The following TPST1 variants were observed in gnomAD, a reference collection of about 807,000 sequenced individuals.
TPST1 encodes tyrosylprotein sulfotransferase 1.
In TPST1, 20 loss-of-function variants were observed where a neutral mutation model predicts 34.8. That is an observed-to-expected ratio of 0.57 (90% confidence interval 0.40 to 0.84). TPST1 has a LOEUF of 0.84. Among genes scored for constraint, TPST1 ranks in the 40% least tolerant of loss-of-function variants. TPST1 has a pLI of 0.00. For synonymous variants in TPST1, 152 were observed against 159.4 expected (o/e 0.95, Z 0.35); for missense variants, 353 against 455.5 (o/e 0.78, Z 2.05).
At position 66,317,785 on chromosome 7, in the gene TPST1, T is replaced by C. The variant is rs143253635; in HGVS notation, c.1044+31076T>C. ...GTGCTTTTGTGGACTGTTTTCTTTT[T>C]GCATGATTTTAAAAAAATTCCATGT... On this transcript the variant is annotated intron_variant, in intron 3 of 5. Transcript: ENST00000304842. Among the ~76,000 whole-genome samples the C allele has an allele frequency of 8.6e-3, 1,316 of 152,330 alleles. 11 individuals carry two copies. Among genetic ancestry groups the C allele is most frequent in the Non-Finnish European group, 0.013 (906 of 68,018 alleles).
intron 1 of TPST1, among the ~76,000 whole-genome samples, chr7:66,223,284 A>G (rs56117159): frequency 6.6e-6 from 1 of 151,698 alleles, no homozygotes; most frequent in Admixed American, 6.6e-5. Flanking sequence ...TTGTCTCTAC[A>G]AAAAAGAAAG....
At chr7:66,358,688 T>C (rs1170248980) in intron 5 of TPST1, among the ~76,000 whole-genome samples, 1 of 152,122 alleles carries the variant, frequency 6.6e-6, no homozygotes, top group African/African-American at 2.4e-5. Context: ...TCCTTTTTGC[T>C]GAGGAGCAAA....
In TPST1 at chr7:66,286,679, T is replaced by G. The variant is rs1252685954; in HGVS notation, c.1014T>G (p.Pro338=). The G allele has an allele frequency of 1.9e-6, 3 of 1,582,854 alleles. No individual in the cohort carries two copies. The highest frequency in any genetic ancestry group is 2.6e-6 in the Non-Finnish European group (3 of 1,162,986). The change falls in exon 3 of 6, where the codon CCT becomes CCG. Residue 338 remains proline (P), a synonymous_variant. Transcript: ENST00000304842. ...PYANPPNYGK[P]DPKIIENTRR... is the part of the protein sequence containing the mutation. ...CCAACCCACCTAACTACGGAAAACCTGATCCCAAAATTATTGAAAACACTC... is the reference window on the plus strand; with the variant it reads ...CCAACCCACCTAACTACGGAAAACCGGATCCCAAAATTATTGAAAACACTC...
chr7:66,322,669 G>A (rs1194206432), intron 3 of TPST1, among the ~76,000 whole-genome samples: 1 of 152,182 alleles, frequency 6.6e-6, no homozygotes, highest in Non-Finnish European at 1.5e-5. Context: ...CTTGGCTATT[G>A]TGAATAGTGC....
chr7:66,282,922 C>T (rs1472982753), intron 2 of TPST1, among the ~76,000 whole-genome samples: 1 of 152,192 alleles, frequency 6.6e-6, no homozygotes, highest in East Asian at 1.9e-4. Flanking sequence ...CTTCCATCCT[C>T]CCAACTTAGT....
intron 1 of TPST1, among the ~76,000 whole-genome samples, chr7:66,240,098 G>A (rs1419054769): frequency 1.3e-5 from 2 of 151,636 alleles, no homozygotes; most frequent in African/African-American, 2.4e-5. Flanking sequence ...CGTGTTGGCC[G>A]GGATGGTCTC....
At chr7:66,253,573 G>A (rs574971289) in intron 2 of TPST1, among the ~76,000 whole-genome samples, 12 of 151,226 alleles carry the variant, frequency 7.9e-5, no homozygotes, top group African/African-American at 2.4e-4. Flanking sequence ...GGATTTCACC[G>A]TGTTAACCAG....
At chr7:66,309,996 C>G (rs1791499649) in intron 3 of TPST1, among the ~76,000 whole-genome samples, 1 of 152,068 alleles carries the variant, frequency 6.6e-6, no homozygotes, top group Non-Finnish European at 1.5e-5. Context: ...CATGGCCAAA[C>G]AAGTTATGGT....
intron 1 of TPST1, among the ~76,000 whole-genome samples, chr7:66,235,319 G>A (rs1789890151): frequency 6.6e-6 from 1 of 151,000 alleles, no homozygotes; most frequent in Admixed American, 6.7e-5. Context: ...ACATTTTAAT[G>A]CTATATTGCC....
chr7:66,274,018 G>A (rs1197604879), intron 2 of TPST1, among the ~76,000 whole-genome samples: 1 of 150,614 alleles, frequency 6.6e-6, no homozygotes, highest in Non-Finnish European at 1.5e-5. Context: ...TTTTTCTTTG[G>A]TAGAGACGGG....
At chr7:66,236,039 C>CT (rs1037793872) in intron 1 of TPST1, among the ~76,000 whole-genome samples, 5 of 151,706 alleles carry the variant, frequency 3.3e-5, no homozygotes, top group African/African-American at 7.3e-5. Context: ...TTCAATACAG[C>CT]TTTTTTTTAA....
At chr7:66,356,676 C>G in intron 4 of TPST1, 149 bp from the exon 5 acceptor site, 1 of 815,868 alleles carries the variant, frequency 1.2e-6, no homozygotes, top group Non-Finnish European at 2.0e-6. Flanking sequence ...AAAGGCCAGT[C>G]AGATTCTTGA....
intron 3 of TPST1, among the ~76,000 whole-genome samples, chr7:66,335,140 T>C (rs993135142): frequency 1.3e-5 from 2 of 152,298 alleles, no homozygotes; most frequent in East Asian, 1.9e-4. Flanking sequence ...ACATGGAACC[T>C]TCCCGTGGCC....
At chr7:66,251,507 A>G (rs966722638) in intron 2 of TPST1, among the ~76,000 whole-genome samples, 2 of 152,210 alleles carry the variant, frequency 1.3e-5, no homozygotes, top group African/African-American at 4.8e-5. Flanking sequence ...ATGTTCTTAC[A>G]CATGCTCCTG....
In TPST1 at chr7:66,269,449, A is replaced by G. The variant is rs555892291; in HGVS notation, c.846-17062A>G. On this transcript the variant is annotated intron_variant, in intron 2 of 5. Coordinates refer to ENST00000304842, the MANE Select transcript of TPST1 (RefSeq NM_003596.4). ...CAACAAAAGAATAGTTCACTACTAG[A>G]AAAATCTGTCAACAGAATGTACTAC... 5.0e-4 allele frequency among the ~76,000 whole-genome samples: 76 copies of G among 152,394 alleles called. 3 individuals carry two copies. The South Asian group carries it at 0.015, about 31-fold the overall frequency.
intron 5 of TPST1, among the ~76,000 whole-genome samples, chr7:66,357,565 T>C (rs556994739): frequency 2.2e-4 from 34 of 152,338 alleles, no homozygotes; most frequent in African/African-American, 7.9e-4. Flanking sequence ...CAGCCCTTTT[T>C]CTATCTGAGT....
chr7:66,346,028 G>T (rs1168775499), intron 3 of TPST1, among the ~76,000 whole-genome samples: 1 of 142,336 alleles, frequency 7.0e-6, no homozygotes, highest in Admixed American at 7.4e-5. Flanking sequence ...CTATTTCCAT[G>T]AGTTCAACTG....
chr7:66,251,426 C>T (rs1790259548), intron 2 of TPST1, among the ~76,000 whole-genome samples: 1 of 152,106 alleles, frequency 6.6e-6, no homozygotes, highest in Non-Finnish European at 1.5e-5. Flanking sequence ...TGTTCCCCTC[C>T]CTCTCCCCAT....
At chr7:66,351,290 A>G (rs1035444961) in intron 3 of TPST1, among the ~76,000 whole-genome samples, 4 of 152,176 alleles carry the variant, frequency 2.6e-5, no homozygotes, top group African/African-American at 7.2e-5. Context: ...TTTTTTTGTT[A>G]CTGTATAGTG....
Sources: gnomAD v4.1 joint callset for allele counts (sites outside exome capture counted in the v4.1 genomes callset) on GRCh38, gnomAD v4.1.1 for gene constraint, MANE v1.5 for transcripts, NCBI Gene and HGNC (gene_info 2026-07-23, HGNC 2026-07-21) for gene names.